Variants in RNF31 observed in about 807,000 individuals in gnomAD.
RNF31 encodes ring finger protein 31, also known as E3 ubiquitin-protein ligase RNF31.
Under a neutral mutation model 133.6 loss-of-function variants are expected in RNF31, and 38 were observed. The observed-to-expected ratio is 0.28, with a 90% CI of 0.22 to 0.37. The LOEUF (loss-of-function observed/expected upper bound fraction) is 0.37. Among genes scored for constraint, RNF31 ranks in the 10% least tolerant of loss-of-function variants. The pLI is 1.00. For synonymous variants in RNF31, 582 were observed against 552.3 expected (o/e 1.05, Z -0.75); for missense variants, 1,118 against 1,394.1 (o/e 0.80, Z 3.15).
In RNF31 at chr14:24,151,904, C is replaced by G; in HGVS notation, c.2042C>G (p.Ala681Gly). 2 of 1,614,216 alleles carry G rather than the reference C, an allele frequency of 1.2e-6. No homozygotes were observed. Among genetic ancestry groups the G allele is most frequent in the Non-Finnish European group, 1.7e-6 (2 of 1,180,038 alleles). The change falls in exon 11 of 21, where the codon GCT becomes GGT. Residue 681 changes from alanine to glycine, a missense_variant. Ala to Gly is a moderately conservative substitution (Grantham distance 60). Transcript: ENST00000324103. The surrounding 1 kb of genome is among the most constrained non-coding windows in gnomAD (Gnocchi z 5.3). ...RNYELGDVVEAVRHSQDRAFL... is the reference protein window; with the variant it reads ...RNYELGDVVEGVRHSQDRAFL... ...TATGAGTTGGGGGATGTGGTAGAAG[C>G]TGTGAGGCACAGCCAGGACCGGGCC...
Position 24,160,640 on chromosome 14 carries a change from A to C in RNF31, c.*67A>C. On this transcript the variant is annotated 3_prime_UTR_variant, in exon 21 of 21. Coordinates refer to ENST00000324103, the MANE Select transcript of RNF31 (RefSeq NM_017999.5). The surrounding 1 kb of genome is among the most constrained non-coding windows in gnomAD (Gnocchi z 4.0). ...CTCAGGAACAGCTCCAGCACCAATA[A>C]AGAGGCATCTTACCACCCAGGCTTC... The C allele has an allele frequency of 3.3e-6, 4 of 1,225,506 alleles. No homozygotes were observed. Among genetic ancestry groups the C allele is most frequent in the Non-Finnish European group, 4.3e-6 (4 of 920,846 alleles). 75.9% of individuals were successfully genotyped at this position (1,225,506 alleles called of 1,614,324 possible).
chr14:24,147,990 C>G lies in RNF31; in HGVS notation c.207C>G (p.Leu69=). 1 of 1,614,228 alleles carries G rather than the reference C, an allele frequency of 6.2e-7. No homozygotes were observed. Among genetic ancestry groups the G allele is most frequent in the South Asian group, 1.1e-5 (1 of 91,090 alleles). Residue 69 remains leucine (L), a synonymous_variant, in exon 2 of 21, where the codon CTC becomes CTG. Transcript: ENST00000324103. ...CTTGCTCCCAGCCCCGAAACTACCTCAACACCCTGTCCACGGCTCTGAACA... is the reference window on the plus strand; with the variant it reads ...CTTGCTCCCAGCCCCGAAACTACCTGAACACCCTGTCCACGGCTCTGAACA... ...CNAHGEPRNY[L]NTLSTALNIL...
chr14:24,148,331 A>G lies in RNF31; in HGVS notation c.413A>G (p.Gln138Arg), dbSNP rs2038205066. The change falls in exon 3 of 21, where the codon CAG (glutamine) becomes CGG (arginine). Residue 138 changes from glutamine (Q) to arginine (R), a missense_variant. Gln to Arg is a conservative substitution (Grantham distance 43). This residue lies in a region of RNF31 where 747 missense variants were observed against 827.9 expected (regional missense o/e 0.90). Coordinates refer to ENST00000324103, the MANE Select transcript of RNF31 (RefSeq NM_017999.5). The part of the protein sequence containing the change: ...QPDGLSFPEG[Q>R]EEPDEHQVAT... Reference sequence around the variant, plus strand: ...GATGGGTTGAGCTTCCCCGAAGGGCAGGAGGAGCCAGATGAGCACCAGGTT... The same window carrying G: ...GATGGGTTGAGCTTCCCCGAAGGGCGGGAGGAGCCAGATGAGCACCAGGTT... 1 of 1,614,234 alleles carries G rather than the reference A, an allele frequency of 6.2e-7. No homozygotes were observed. The highest frequency in any genetic ancestry group is 8.5e-7 in the Non-Finnish European group (1 of 1,180,048).
chr14:24,148,184 TG>T, intron 2 of RNF31, 62 bp downstream of exon 2: 1 of 1,613,026 alleles, frequency 6.2e-7, no homozygotes, highest in Non-Finnish European at 8.5e-7. Flanking sequence ...CCTGAGGTTG[TG>T]CTGAATGGGA....
Position 24,149,407 on chromosome 14 carries a change from C to G in RNF31, c.633C>G (p.Gly211=). 1 of 1,612,948 alleles carries G rather than the reference C, an allele frequency of 6.2e-7. No homozygotes were observed. Among genetic ancestry groups the G allele is most frequent in the South Asian group, 1.1e-5 (1 of 91,032 alleles). The change falls in exon 6 of 21, where the codon GGC becomes GGG. Residue 211 remains glycine (G), a splice_region_variant and synonymous_variant. Coordinates refer to ENST00000324103, the MANE Select transcript of RNF31 (RefSeq NM_017999.5). The stretch of plus-strand genomic sequence containing the variant: ...TGTTCCATCTCTCCTGCCCTCCAGG[C>G]TCCACTCCTGGTCCCTGCTTCCTCT... ...PGPLTTPSVP[G]STPGPCFLCG...
chr14:24,154,161 A>ATT (rs34626307), intron 11 of RNF31, among the ~76,000 whole-genome samples: 1 of 145,782 alleles, frequency 6.9e-6, no homozygotes, highest in Non-Finnish European at 1.5e-5. Context: ...TGCCCGGCTA[A>ATT]TTTTTTTTTT....
In RNF31 at chr14:24,155,243, CA is replaced by C; in HGVS notation, c.2218del (p.Thr740GlnfsTer34). ...CCATCGCCTTGAAGGAGAAGCACAT[CA>C]CAGACATGGTGTGCCCTGCCTGTGG... ...FTIALKEKHI[T>X]DMVCPACGRP... On this transcript the variant is annotated frameshift_variant, in exon 12 of 21. Coordinates refer to ENST00000324103, the MANE Select transcript of RNF31 (RefSeq NM_017999.5). LOFTEE classifies it high-confidence loss of function. The surrounding 1 kb of genome is among the most constrained non-coding windows in gnomAD (Gnocchi z 4.9). 6.2e-7 allele frequency: 1 copy of C among 1,614,034 alleles called. No individual in the cohort carries two copies. Among genetic ancestry groups the C allele is most frequent in the East Asian group, 2.2e-5 (1 of 44,890 alleles).
At chr14:24,152,691 C>G (rs2038283669) in intron 11 of RNF31, among the ~76,000 whole-genome samples, 1 of 152,204 alleles carries the variant, frequency 6.6e-6, no homozygotes, top group Admixed American at 6.5e-5. Flanking sequence ...CAAAATAAAA[C>G]ACATACAGAG....
rs760303881 is a variant in RNF31 at position 24,160,353 on chromosome 14, C to T, written c.3111C>T (p.Arg1037=). The T allele has an allele frequency of 1.2e-6, 2 of 1,614,154 alleles. No homozygotes were observed. Among genetic ancestry groups the T allele is most frequent in the Non-Finnish European group, 1.7e-6 (2 of 1,179,996 alleles). ...ETATERYLHV[R]PQPLAGEDPP... is the part of the protein sequence containing the mutation. ...CCACTGAGCGCTACCTGCACGTACG[C>T]CCCCAGCCTTTGGCTGGAGAGGATC... The change falls in exon 20 of 21, where the codon CGC becomes CGT. Residue 1037 remains arginine, a synonymous_variant. Coordinates refer to ENST00000324103, the MANE Select transcript of RNF31 (RefSeq NM_017999.5). The surrounding 1 kb of genome is among the most constrained non-coding windows in gnomAD (Gnocchi z 4.0).
chr14:24,149,756 A>T (rs1202594392), intron 6 of RNF31, among the ~76,000 whole-genome samples, 173 bp downstream of exon 6: 1 of 152,188 alleles, frequency 6.6e-6, no homozygotes, highest in Non-Finnish European at 1.5e-5. Context: ...AATTGCAGTA[A>T]CCCAGGTTGT....
intron 3 of RNF31, 33 bp downstream of exon 3, chr14:24,148,446 G>A: frequency 6.2e-7 from 1 of 1,613,600 alleles, no homozygotes; most frequent in Non-Finnish European, 8.5e-7. Flanking sequence ...ATGGACTTAT[G>A]CACCAGGGCT....
Position 24,148,940 on chromosome 14 carries a change from C to T in RNF31, c.631+64C>T, listed in dbSNP as rs1481902784. 1.1e-4 allele frequency: 145 copies of T among 1,313,374 alleles called. 5 individuals carry two copies. The South Asian group carries it at 1.5e-3, about 14-fold the overall frequency. 81.4% of individuals were successfully genotyped at this position (1,313,374 alleles called of 1,614,324 possible). On this transcript the variant is annotated intron_variant, in intron 5 of 20. Coordinates refer to ENST00000324103, the MANE Select transcript of RNF31 (RefSeq NM_017999.5). ...ATATTGATGGAAATTTGGGATGCTCCTCTGTCTTCTTGGTTATCTTCCTTT... is the reference window on the plus strand; with the variant it reads ...ATATTGATGGAAATTTGGGATGCTCTTCTGTCTTCTTGGTTATCTTCCTTT...
At chr14:24,159,761 C>T (rs759556169) in intron 18 of RNF31, 103 bp from the exon 19 acceptor site, 156 of 882,930 alleles carry the variant, frequency 1.8e-4, no homozygotes, top group Non-Finnish European at 2.5e-4. Flanking sequence ...TGTGCTCGGT[C>T]CCTTCCTTGG....
At chr14:24,148,586 G>A in intron 3 of RNF31, 56 bp from the exon 4 acceptor site, 1 of 1,597,734 alleles carries the variant, frequency 6.3e-7, no homozygotes, top group Non-Finnish European at 8.6e-7. Flanking sequence ...GGGCTTAGAG[G>A]GAGGGCTTTG....
Position 24,151,181 on chromosome 14 carries a change from G to T in RNF31, c.1539G>T (p.Gln513His). Residue 513 changes from glutamine (Q) to histidine (H), a missense_variant, in exon 9 of 21, where the codon CAG becomes CAT. By Grantham distance (24) the Gln-to-His change is conservative. Around this residue, in one of 3 missense-constraint regions of RNF31, gnomAD observed 747 missense variants for 827.9 expected, o/e 0.90. Transcript: ENST00000324103. This position sits in a 1 kb window ranked among gnomAD's most constrained non-coding sequence, Gnocchi z 5.3. ...ACPEEIFSALQYSGTEVPLQW... is the reference protein window; with the variant it reads ...ACPEEIFSALHYSGTEVPLQW... The stretch of plus-strand genomic sequence containing the variant: ...CAGAGGAGATCTTCTCGGCTCTGCA[G>T]TACTCGGGCACTGAGGTGCCTCTGC... 2 of 1,614,182 alleles carry T rather than the reference G, an allele frequency of 1.2e-6. No homozygotes were observed. Among genetic ancestry groups the T allele is most frequent in the Non-Finnish European group, 1.7e-6 (2 of 1,180,050 alleles).
Position 24,148,818 on chromosome 14 carries a change from A to T in RNF31, c.573A>T (p.Glu191Asp), listed in dbSNP as rs775545334. Residue 191 changes from glutamate (E) to aspartate (D), a missense_variant, in exon 5 of 21, where the codon GAA (glutamate) becomes GAT (aspartate). This residue lies in a region of RNF31 where 747 missense variants were observed against 827.9 expected (regional missense o/e 0.90). Transcript: ENST00000324103. Reference protein sequence around the residue: ...KVEDDMLQLSEFDPLLREIAP... With the variant: ...KVEDDMLQLSDFDPLLREIAP... Reference sequence around the variant, plus strand: ...TTTTTCAGATGCTGCAGCTTTCAGAATTTGACCCCCTATTGAGAGAGATTG... The same window carrying T: ...TTTTTCAGATGCTGCAGCTTTCAGATTTTGACCCCCTATTGAGAGAGATTG... 1 of 1,614,142 alleles carries T rather than the reference A, an allele frequency of 6.2e-7. No homozygotes were observed.
Position 24,149,519 on chromosome 14 carries a change from TC to T in RNF31, c.748del (p.Arg250ValfsTer18). Reference protein sequence around the residue: ...ACDHLFHGHPSRAHHLRQTLP... With the variant: ...ACDHLFHGHPXRAHHLRQTLP... ...TGACCACCTGTTCCATGGACACCCA[TC>T]CCGTGCTCATCACCTCCGCCAGACC... On this transcript the variant is annotated frameshift_variant, in exon 6 of 21. Transcript: ENST00000324103. LOFTEE classifies it high-confidence loss of function. 6.2e-7 allele frequency: 1 copy of T among 1,614,010 alleles called. No homozygotes were observed. Among genetic ancestry groups the T allele is most frequent in the Non-Finnish European group, 8.5e-7 (1 of 1,179,988 alleles).
In RNF31 at chr14:24,150,546, G is replaced by A. The variant is rs1313597228; in HGVS notation, c.1198-52G>A. On this transcript the variant is annotated intron_variant, in intron 7 of 20. Coordinates refer to ENST00000324103, the MANE Select transcript of RNF31 (RefSeq NM_017999.5). ...GTTCCTCCCAACTCCCTGTATTTCT[G>A]TTGTGAACTTCAGCCAGCCAGTCAA... 6.3e-6 allele frequency: 10 copies of A among 1,583,050 alleles called. No homozygotes were observed. In the African/African-American group the frequency reaches 1.3e-4, roughly 21 times the overall value.
At position 24,160,119 on chromosome 14, in the gene RNF31, G is replaced by C. The variant is rs1460978961; in HGVS notation, c.2997-120G>C. 1.5e-6 allele frequency: 2 copies of C among 1,348,410 alleles called. No individual in the cohort carries two copies. Among genetic ancestry groups the C allele is most frequent in the Non-Finnish European group, 2.0e-6 (2 of 976,048 alleles). 83.5% of individuals were successfully genotyped at this position (1,348,410 alleles called of 1,614,324 possible). A position where few individuals can be genotyped will look rare whatever the true frequency, so the allele number is the denominator to read the frequency against. ...GGGCATGGGTAGATAGTAGCAGGCA[G>C]TGTGGGCACAGGTGGGTTGTTAATC... On this transcript the variant is annotated intron_variant, in intron 19 of 20. Coordinates refer to ENST00000324103, the MANE Select transcript of RNF31 (RefSeq NM_017999.5). The surrounding 1 kb of genome is among the most constrained non-coding windows in gnomAD (Gnocchi z 4.0).
Sources: gnomAD v4.1 joint callset for allele counts (sites outside exome capture counted in the v4.1 genomes callset) on GRCh38, gnomAD v4.1.1 for gene constraint, gnomAD v4.1.1 regional missense constraint, Gnocchi (gnomAD v3.1) non-coding constraint, MANE v1.5 for transcripts, NCBI Gene and HGNC (gene_info 2026-07-23, HGNC 2026-07-21) for gene names.